PRDM16: variants seen among roughly 807,000 people sequenced by gnomAD.
PRDM16 encodes histone-lysine N-methyltransferase PRDM16.
PRDM16 carries 23 observed loss-of-function variants against 110.6 expected under a neutral mutation model. That is an observed-to-expected ratio of 0.21 (90% CI 0.15 to 0.29). The LOEUF is 0.29. Among genes scored for constraint, PRDM16 ranks in the 10% least tolerant of loss-of-function variants. The pLI, the probability that PRDM16 is intolerant of heterozygous loss-of-function variation, is 1.00. For missense variants in PRDM16, 1,615 were observed against 1,794.3 expected (o/e 0.90, Z 1.81); for synonymous variants, 799 against 781.8 (o/e 1.02, Z -0.37).
chr1:3,092,593 A>G (rs139073694), intron 1 of PRDM16, among the ~76,000 whole-genome samples: 55 of 152,346 alleles, frequency 3.6e-4, no homozygotes, highest in African/African-American at 1.3e-3. Context: ...AGTGGGAGGC[A>G]CACACTGCAT....
chr1:3,203,592 A>G (rs954460785), intron 2 of PRDM16, among the ~76,000 whole-genome samples: 1 of 152,054 alleles, frequency 6.6e-6, no homozygotes. Context: ...CGGGGGGGCC[A>G]GGGTGTGGTG....
chr1:3,394,543 G>T (rs1336271408), intron 4 of PRDM16: 2 of 416,922 alleles, frequency 4.8e-6, no homozygotes, highest in Non-Finnish European at 4.9e-6. Context: ...GGGGCGGGCG[G>T]CCAGGGTCCA....
At chr1:3,125,979 T>A (rs2100672267) in intron 1 of PRDM16, among the ~76,000 whole-genome samples, 1 of 152,340 alleles carries the variant, frequency 6.6e-6, no homozygotes, top group South Asian at 2.1e-4. Context: ...GGAATTAGCG[T>A]TTGAGTGGCG....
intron 2 of PRDM16, among the ~76,000 whole-genome samples, chr1:3,224,170 G>C (rs1639233624): frequency 6.6e-6 from 1 of 152,166 alleles, no homozygotes; most frequent in Admixed American, 6.5e-5. Flanking sequence ...TTTGGGGCTG[G>C]GGACAGCAGG....
In PRDM16 at chr1:3,143,672, T is replaced by A. The variant is rs1643593409; in HGVS notation, c.38-42453T>A. 6.6e-6 allele frequency among the ~76,000 whole-genome samples: 1 copy of A among 152,182 alleles called. No individual in the cohort carries two copies. On this transcript the variant is annotated intron_variant, in intron 1 of 16. Transcript: ENST00000270722. This position sits in a 1 kb window ranked among gnomAD's most constrained non-coding sequence, Gnocchi z 4.5. ...TTGTATTTTTAGTAGAGATGGGGTT[T>A]CATCATTGTGGTCAGGCCAGTCTTG...
intron 1 of PRDM16, among the ~76,000 whole-genome samples, chr1:3,122,225 C>T (rs768698542): frequency 1.8e-4 from 27 of 152,046 alleles, no homozygotes; most frequent in Non-Finnish European, 3.2e-4. Flanking sequence ...TGGGAAAAAC[C>T]GAGTGCCCCT....
intron 1 of PRDM16, among the ~76,000 whole-genome samples, chr1:3,146,897 ATGTGTGTGCT>A (rs2100714852): frequency 2.0e-5 from 1 of 51,098 alleles, no homozygotes; most frequent in Non-Finnish European, 3.1e-5. Context: ...GTGTGTGTGC[ATGTGTGTGCT>A]CAGTGTGGGG....
rs1270652848 is a variant in PRDM16, at chr1:3,155,188, CGGG to C, written c.38-30936_38-30934del. On this transcript the variant is annotated intron_variant, in intron 1 of 16. Transcript: ENST00000270722. ...CTGCGGACCTCTCCAGGAAGGGCCC[CGGG>C]AGAGGCATCTCTCCGGAGGCGTCCA... Among the ~76,000 whole-genome samples, 6 of 152,344 alleles carry C rather than the reference CGGG, an allele frequency of 3.9e-5. No individual in the cohort carries two copies. The East Asian group carries it at 1.2e-3, about 29-fold the overall frequency.
chr1:3,269,645 G>A (rs536442479), intron 3 of PRDM16, among the ~76,000 whole-genome samples: 115 of 105,356 alleles, frequency 1.1e-3, no homozygotes, highest in Admixed American at 1.6e-3. Flanking sequence ...AGTCCCGGAG[G>A]AGGACAGTTG....
rs145291669 is a variant in PRDM16, at chr1:3,085,888, G to C, written c.37+16592G>C. On this transcript the variant is annotated intron_variant, in intron 1 of 16. Coordinates refer to ENST00000270722, the MANE Select transcript of PRDM16 (RefSeq NM_022114.4). ...ACCCAGGCCTTGTCTCCCCAGAGCTGCTTGGCGTCCAGCAGGGCGCCCAGC... is the reference window on the plus strand; with the variant it reads ...ACCCAGGCCTTGTCTCCCCAGAGCTCCTTGGCGTCCAGCAGGGCGCCCAGC... 7.9e-5 allele frequency among the ~76,000 whole-genome samples: 12 copies of C among 152,378 alleles called. No individual in the cohort carries two copies. The East Asian group carries it at 2.3e-3, about 29-fold the overall frequency.
chr1:3,187,337 G>A lies in PRDM16; in HGVS notation c.387+863G>A, dbSNP rs368387690. Among the ~76,000 whole-genome samples the A allele has an allele frequency of 6.6e-5, 10 of 152,320 alleles. No homozygotes were observed. In the East Asian group the frequency reaches 1.7e-3, roughly 27 times the overall value. On this transcript the variant is annotated intron_variant, in intron 2 of 16. Coordinates refer to ENST00000270722, the MANE Select transcript of PRDM16 (RefSeq NM_022114.4). Reference sequence around the variant, plus strand: ...GGGTGGAAAATGGGAACACCAGTCGGATTCCCCCTGTGCCTCCCAGCCTCT... The same window carrying A: ...GGGTGGAAAATGGGAACACCAGTCGAATTCCCCCTGTGCCTCCCAGCCTCT...
In PRDM16 at chr1:3,385,212, A is replaced by C; in HGVS notation, c.499A>C (p.Ser167Arg). The C allele has an allele frequency of 6.2e-7, 1 of 1,613,748 alleles. No individual in the cohort carries two copies. Among genetic ancestry groups the C allele is most frequent in the Non-Finnish European group, 8.5e-7 (1 of 1,180,006 alleles). The change falls in exon 4 of 17, where the codon AGC (serine) becomes CGC (arginine). Residue 167 changes from serine (S) to arginine (R), a missense_variant. Ser to Arg is a moderately radical substitution (Grantham distance 110). Transcript: ENST00000270722. The stretch of plus-strand genomic sequence containing the variant: ...GGATGCAAATCAGGCGGGGGCTGGC[A>C]GCTGGCTCAAGTACATCCGTGTGGC... ...CVDANQAGAG[S>R]WLKYIRVACS... is the part of the protein sequence containing the mutation.
At chr1:3,251,639 G>A (rs61759183) in intron 3 of PRDM16, among the ~76,000 whole-genome samples, 62,548 of 151,974 alleles carry the variant, frequency 0.41, 15,573 homozygotes, top group East Asian at 0.59. Flanking sequence ...CAGCCCCTCC[G>A]TTGTGGCCAC....
chr1:3,130,190 G>T (rs2100681627), intron 1 of PRDM16, among the ~76,000 whole-genome samples: 1 of 152,332 alleles, frequency 6.6e-6, no homozygotes, highest in East Asian at 1.9e-4. Context: ...AGAGCCCTCT[G>T]TCCCTGTCCT....
intron 3 of PRDM16, among the ~76,000 whole-genome samples, chr1:3,293,246 A>C (rs1236301943): frequency 6.6e-6 from 1 of 152,226 alleles, no homozygotes; most frequent in Non-Finnish European, 1.5e-5. Flanking sequence ...CCCTCAGTGA[A>C]GCCTACAGAA....
intron 3 of PRDM16, among the ~76,000 whole-genome samples, chr1:3,284,470 G>T (rs776427648): frequency 6.6e-6 from 1 of 152,182 alleles, no homozygotes; most frequent in Non-Finnish European, 1.5e-5. Flanking sequence ...TTTGTTTCCC[G>T]GTGGCCTAGG....
intron 3 of PRDM16, among the ~76,000 whole-genome samples, chr1:3,259,121 C>T (rs1640109315): frequency 6.6e-6 from 1 of 152,192 alleles, no homozygotes. Context: ...CGGTGGGGAG[C>T]TGCAGGGATG....
At chr1:3,230,049 G>A (rs534169705) in intron 2 of PRDM16, among the ~76,000 whole-genome samples, 2 of 152,320 alleles carry the variant, frequency 1.3e-5, no homozygotes, top group Admixed American at 6.5e-5. Flanking sequence ...GTGGCCCAAG[G>A]AGGAACGCGC....
chr1:3,187,781 G>A (rs1198428434), intron 2 of PRDM16, among the ~76,000 whole-genome samples: 1 of 152,154 alleles, frequency 6.6e-6, no homozygotes, highest in African/African-American at 2.4e-5. Context: ...AGGATATAGG[G>A]AGACTCAGGA....
Sources: allele counts gnomAD v4.1 joint callset (sites outside exome capture counted in the v4.1 genomes callset), GRCh38; gene constraint gnomAD v4.1.1; non-coding constraint Gnocchi (gnomAD v3.1); transcripts MANE v1.5; gene names NCBI Gene and HGNC (gene_info 2026-07-23, HGNC 2026-07-21).